The following NF1 variants were observed in gnomAD, a reference collection of about 807,000 sequenced individuals.
NF1 encodes the protein neurofibromin 1.
Under a neutral mutation model 325.7 loss-of-function variants are expected in NF1, and 122 were observed. That is an observed-to-expected ratio of 0.37 (90% confidence interval 0.32 to 0.44). The LOEUF (loss-of-function observed/expected upper bound fraction) is 0.44. NF1 is among the 20% of genes least tolerant of loss of function. NF1 has a pLI of 1.00. For missense variants in NF1, 2,140 were observed against 3,415.4 expected, an observed-to-expected ratio of 0.63 and a Z score of 9.31; for synonymous variants, 1,091 against 1,186.0, an observed-to-expected ratio of 0.92 and a Z score of 1.65.
In NF1 at chr17:31,179,556, A is replaced by T. The variant is rs2066087050; in HGVS notation, c.587-1866A>T. Among the ~76,000 whole-genome samples the T allele has an allele frequency of 2.0e-5, 3 of 152,172 alleles. No individual in the cohort carries two copies. In the South Asian group the frequency reaches 6.2e-4, roughly 32 times the overall value. On this transcript the variant is annotated intron_variant, in intron 5 of 57. Transcript: ENST00000358273. ...TAGAGACACGAAAAACCTTTCAAAA[A>T]ATCAATGAGTCTCCTGACCTCGTGA...
At chr17:31,170,799 A>G (rs1311166355) in intron 5 of NF1, among the ~76,000 whole-genome samples, 2 of 152,218 alleles carry the variant, frequency 1.3e-5, no homozygotes, top group Non-Finnish European at 2.9e-5. Flanking sequence ...ATATCAATGA[A>G]TATTCATAAA....
At chr17:31,115,947 T>A (rs1272212813) in intron 1 of NF1, among the ~76,000 whole-genome samples, 1 of 152,150 alleles carries the variant, frequency 6.6e-6, no homozygotes, top group Admixed American at 6.5e-5. Flanking sequence ...TTTGGAGCAT[T>A]TTACTTCCAC....
chr17:31,154,176 C>A (rs1057096146), intron 1 of NF1, among the ~76,000 whole-genome samples: 1 of 150,504 alleles, frequency 6.6e-6, no homozygotes, highest in African/African-American at 2.4e-5. Flanking sequence ...GTGCCTCAGC[C>A]TCCCTAGTAG....
intron 8 of NF1, among the ~76,000 whole-genome samples, chr17:31,192,889 T>C (rs1372894356): frequency 6.6e-6 from 1 of 152,112 alleles, no homozygotes; most frequent in Non-Finnish European, 1.5e-5. Flanking sequence ...ACCCCTTAGG[T>C]AGGAGTTTGG....
chr17:31,306,487 A>G (rs2068724603), intron 36 of NF1, among the ~76,000 whole-genome samples: 1 of 152,102 alleles, frequency 6.6e-6, no homozygotes, highest in African/African-American at 2.4e-5. Context: ...TTACCCTCAC[A>G]ACTGACAACT....
At chr17:31,295,101 C>T (rs760554286) in intron 36 of NF1, 3 of 1,614,130 alleles carry the variant, frequency 1.9e-6, no homozygotes, top group Non-Finnish European at 1.7e-6. Context: ...GGAGTCTTTA[C>T]ATTTGTGGTT....
intron 36 of NF1, among the ~76,000 whole-genome samples, chr17:31,281,801 A>G (rs1210709912): frequency 1.3e-5 from 2 of 152,086 alleles, no homozygotes; most frequent in African/African-American, 2.4e-5. Flanking sequence ...CACACCTATA[A>G]TCCCTGCACT....
At chr17:31,340,224 G>C in intron 46 of NF1, 2 of 444,704 alleles carry the variant, frequency 4.5e-6, no homozygotes, top group East Asian at 8.7e-5. Context: ...ATACAAAAGA[G>C]ACTACTCTAG....
At chr17:31,317,368 A>AACACACACACACACACAC (rs3138611) in intron 36 of NF1, among the ~76,000 whole-genome samples, 2 of 144,562 alleles carry the variant, frequency 1.4e-5, no homozygotes, top group Non-Finnish European at 3.0e-5. Flanking sequence ...TCCAGATTTG[A>AACACACACACACACACAC]ACACACACAC....
intron 29 of NF1, among the ~76,000 whole-genome samples, chr17:31,245,923 T>C (rs1163612943): frequency 6.6e-6 from 1 of 152,168 alleles, no homozygotes; most frequent in Non-Finnish European, 1.5e-5. Flanking sequence ...TTGGTCTTTC[T>C]GGTGACTAGC....
chr17:31,326,323 C>G (rs2069341051), intron 37 of NF1, 71 bp downstream of exon 37: 1 of 1,426,896 alleles, frequency 7.0e-7, no homozygotes, highest in African/African-American at 1.4e-5. Flanking sequence ...TCCTGGCCTC[C>G]CTAGGTGTCC....
At chr17:31,319,619 T>C (rs1597821442) in intron 36 of NF1, among the ~76,000 whole-genome samples, 2 of 152,048 alleles carry the variant, frequency 1.3e-5, no homozygotes, top group East Asian at 3.8e-4. Flanking sequence ...AGCTGGTACT[T>C]AGAAATACAT....
At chr17:31,365,488 G>A (rs193124282) in intron 57 of NF1, among the ~76,000 whole-genome samples, 39 of 152,060 alleles carry the variant, frequency 2.6e-4, no homozygotes, top group Admixed American at 3.9e-4. Context: ...GAGACTTGAC[G>A]GTTTTTGCCT....
intron 12 of NF1, among the ~76,000 whole-genome samples, chr17:31,208,814 C>A (rs978209317): frequency 6.6e-6 from 1 of 152,012 alleles, no homozygotes; most frequent in Non-Finnish European, 1.5e-5. Flanking sequence ...TCGCTTGAAC[C>A]TGGGAGGCAG....
intron 57 of NF1, among the ~76,000 whole-genome samples, chr17:31,368,448 T>A (rs2151596072): frequency 6.6e-6 from 1 of 152,324 alleles, no homozygotes; most frequent in East Asian, 1.9e-4. Flanking sequence ...CAAAAATTCT[T>A]ATAGTTACAA....
At chr17:31,133,571 G>A (rs1915549871) in intron 1 of NF1, 1 of 152,116 alleles carries the variant, frequency 6.6e-6, no homozygotes, top group South Asian at 2.1e-4. Flanking sequence ...GTTTTCCATA[G>A]GTATATGCAC....
At chr17:31,267,274 T>C (rs1053510674) in intron 36 of NF1, among the ~76,000 whole-genome samples, 2 of 152,186 alleles carry the variant, frequency 1.3e-5, no homozygotes, top group African/African-American at 4.8e-5. Flanking sequence ...CCAAATCTGT[T>C]GCTTCATATG....
At chr17:31,277,914 C>T (rs1363020059) in intron 36 of NF1, among the ~76,000 whole-genome samples, 2 of 152,144 alleles carry the variant, frequency 1.3e-5, no homozygotes, top group African/African-American at 2.4e-5. Context: ...TTGAATTTGC[C>T]ACCTGTTTCC....
intron 1 of NF1, among the ~76,000 whole-genome samples, chr17:31,121,836 T>C (rs1047576124): frequency 6.6e-6 from 1 of 152,184 alleles, no homozygotes; most frequent in African/African-American, 2.4e-5. Flanking sequence ...CACAATTTTA[T>C]TGAGGATTTT....
Sources: gnomAD v4.1 joint callset for allele counts (sites outside exome capture counted in the v4.1 genomes callset) on GRCh38, gnomAD v4.1.1 for gene constraint, MANE v1.5 for transcripts, NCBI Gene and HGNC (gene_info 2026-07-23, HGNC 2026-07-21) for gene names.